Variants in AK4 observed in about 807,000 individuals in gnomAD.
AK4 encodes the protein adenylate kinase 4, also known as adenylate kinase 4, mitochondrial.
Under a neutral mutation model 24.6 loss-of-function variants are expected in AK4, and 13 were observed. The ratio of observed to expected loss-of-function variants is 0.53; its 90% CI spans 0.34 to 0.84. The LOEUF is 0.84. Among genes scored for constraint, AK4 ranks in the 40% least tolerant of loss-of-function variants. The pLI, the probability that AK4 is intolerant of heterozygous loss-of-function variation, is 0.01. For missense variants in AK4, 192 were observed against 288.2 expected (o/e 0.67, Z 2.42); for synonymous variants, 88 against 107.0 (o/e 0.82, Z 1.10).
Position 65,148,701 on chromosome 1 carries a change from C to T in AK4, c.145+149C>T, listed in dbSNP as rs1161120147. On this transcript the variant is annotated intron_variant, in intron 1 of 4. Transcript: ENST00000327299. The stretch of plus-strand genomic sequence containing the variant: ...TACGTGCCGGGGCGCATGCAGCTGG[C>T]GGCCGCGCGGCTTAACCGCGCCTGG... 20 of 1,186,660 alleles carry T rather than the reference C, an allele frequency of 1.7e-5. No homozygotes were observed. In the East Asian group the frequency reaches 6.4e-4, roughly 38 times the overall value. The allele number at this position is 1,186,660 out of a possible 1,614,324, so 73.5% of individuals were successfully genotyped here.
chr1:65,172,075 A>ATTCAAG (rs1650547881), intron 1 of AK4, among the ~76,000 whole-genome samples: 1 of 76,900 alleles, frequency 1.3e-5, no homozygotes, highest in African/African-American at 9.2e-5. Flanking sequence ...ATATATATAT[A>ATTCAAG]TATATATATA....
chr1:65,218,614 A>G, intron 2 of AK4, 140 bp from the exon 3 acceptor site: 1 of 692,434 alleles, frequency 1.4e-6, no homozygotes, highest in Non-Finnish European at 2.1e-6. Context: ...TTGGGATGCA[A>G]ATGATCCCAT....
chr1:65,212,877 C>T (rs184068812), intron 2 of AK4, among the ~76,000 whole-genome samples: 20 of 152,298 alleles, frequency 1.3e-4, no homozygotes, highest in African/African-American at 4.6e-4. Flanking sequence ...CTATCCACCT[C>T]ATAGGGTTAA....
intron 2 of AK4, among the ~76,000 whole-genome samples, chr1:65,206,523 G>A (rs1288140213): frequency 1.3e-5 from 2 of 152,242 alleles, no homozygotes; most frequent in Non-Finnish European, 2.9e-5. Context: ...CCAAAGAGGA[G>A]AATCACTTGA....
At chr1:65,178,057 T>G (rs1438158491) in intron 1 of AK4, among the ~76,000 whole-genome samples, 1 of 151,596 alleles carries the variant, frequency 6.6e-6, no homozygotes, top group African/African-American at 2.4e-5. Context: ...AAAAGTAAGG[T>G]ATGGTAAAGG....
chr1:65,163,784 CAG>C lies in AK4; in HGVS notation c.145+15235_145+15236del, dbSNP rs563614156. On this transcript the variant is annotated intron_variant, in intron 1 of 4. Transcript: ENST00000327299. ...TCAATCTCCTTGAGCATTCAAGGAT[CAG>C]AGTTTTTAAAGATAATTTGGTGGGT... is the stretch of plus-strand genomic sequence containing the variant. 1.1e-4 allele frequency among the ~76,000 whole-genome samples: 17 copies of C among 152,228 alleles called. No homozygotes were observed. The East Asian group carries it at 2.9e-3, about 26-fold the overall frequency.
chr1:65,215,026 T>G (rs1332136222), intron 2 of AK4, among the ~76,000 whole-genome samples: 1 of 152,200 alleles, frequency 6.6e-6, no homozygotes, highest in Admixed American at 6.5e-5. Context: ...CTGAGAAGTT[T>G]GGTGGTTCGT....
At chr1:65,197,340 G>C (rs1480819709) in intron 2 of AK4, among the ~76,000 whole-genome samples, 3 of 152,124 alleles carry the variant, frequency 2.0e-5, no homozygotes, top group Non-Finnish European at 2.9e-5. Context: ...ATGATTTTAG[G>C]GGTAACTATC....
intron 1 of AK4, chr1:65,154,438 G>A: frequency 2.1e-6 from 1 of 475,544 alleles, no homozygotes; most frequent in South Asian, 1.5e-5. Context: ...ACATGCATGG[G>A]CTAGCTCCTT....
chr1:65,206,593 GCACACACACAAACA>G (rs1485681213), intron 2 of AK4, among the ~76,000 whole-genome samples: 2 of 152,184 alleles, frequency 1.3e-5, no homozygotes, highest in East Asian at 3.9e-4. Flanking sequence ...ACGTGCGTGC[GCACACACACAAACA>G]CACACACACA....
intron 1 of AK4, among the ~76,000 whole-genome samples, chr1:65,189,484 G>A (rs527857967): frequency 6.6e-6 from 1 of 151,928 alleles, no homozygotes; most frequent in Non-Finnish European, 1.5e-5. Flanking sequence ...CTCCATGTTG[G>A]TCAGGCTGGT....
At chr1:65,220,245 G>T (rs1295346217) in intron 3 of AK4, among the ~76,000 whole-genome samples, 1 of 152,232 alleles carries the variant, frequency 6.6e-6, no homozygotes, top group Non-Finnish European at 1.5e-5. Flanking sequence ...TTTGGGTAAA[G>T]ACCAAGGAGT....
At chr1:65,215,076 T>C (rs1178777571) in intron 2 of AK4, among the ~76,000 whole-genome samples, 1 of 152,166 alleles carries the variant, frequency 6.6e-6, no homozygotes, top group South Asian at 2.1e-4. Context: ...CAAGTCCTGC[T>C]CTCACTCCTA....
chr1:65,219,677 A>G (rs1048979484), intron 3 of AK4, among the ~76,000 whole-genome samples: 2 of 152,048 alleles, frequency 1.3e-5, no homozygotes, highest in Non-Finnish European at 2.9e-5. Context: ...TAGCTTCTTC[A>G]TTATTAGCAT....
intron 2 of AK4, among the ~76,000 whole-genome samples, chr1:65,204,062 G>GA (rs1451268558): frequency 3.3e-5 from 5 of 152,066 alleles, no homozygotes; most frequent in Non-Finnish European, 7.4e-5. Flanking sequence ...CAAATCACCT[G>GA]AAATTCCACC....
At chr1:65,172,063 G>GTATATATATATATATATATATATATA (rs3051712) in intron 1 of AK4, among the ~76,000 whole-genome samples, 6 of 65,758 alleles carry the variant, frequency 9.1e-5, no homozygotes, top group East Asian at 4.4e-4. Flanking sequence ...TCCATCTCAA[G>GTATATATATATATATATATATATATA]TATATATATA....
intron 1 of AK4, among the ~76,000 whole-genome samples, chr1:65,182,151 C>T (rs752228000): frequency 7.2e-5 from 11 of 152,130 alleles, no homozygotes; most frequent in Non-Finnish European, 1.6e-4. Context: ...AAACTCCTGG[C>T]CTCAAGGGAT....
In AK4 at chr1:65,149,954, T is replaced by C. The variant is rs192190518; in HGVS notation, c.145+1402T>C. On this transcript the variant is annotated intron_variant, in intron 1 of 4. Coordinates refer to ENST00000327299, the MANE Select transcript of AK4 (RefSeq NM_013410.4). ...AAGGCTGGCTCTCATCCTAATGGTT[T>C]TGTGTTTAGGTTGGGCTTCTTCATG... 2.5e-3 allele frequency among the ~76,000 whole-genome samples: 385 copies of C among 152,262 alleles called. 1 individual carries two copies. The highest frequency in any genetic ancestry group is 8.8e-3 in the African/African-American group (365 of 41,540).
At chr1:65,200,837 C>T (rs991371266) in intron 2 of AK4, among the ~76,000 whole-genome samples, 6 of 151,720 alleles carry the variant, frequency 4.0e-5, no homozygotes, top group African/African-American at 1.2e-4. Context: ...TCGCTCTGTC[C>T]CAGGCTGAGT....
Sources: gnomAD v4.1 joint callset for allele counts (sites outside exome capture counted in the v4.1 genomes callset) on GRCh38, gnomAD v4.1.1 for gene constraint, MANE v1.5 for transcripts, NCBI Gene and HGNC (gene_info 2026-07-23, HGNC 2026-07-21) for gene names.